Variants in GGTA1 observed in about 807,000 individuals in gnomAD.
GGTA1 encodes the protein inactive N-acetyllactosaminide alpha-1,3-galactosyltransferase.
In GGTA1, 5 loss-of-function variants were observed where a neutral mutation model predicts 2.6. That is an observed-to-expected ratio of 1.92 (90% CI 1.00 to 4.04). GGTA1 has a LOEUF of 4.04. Among genes scored for constraint, GGTA1 ranks in the 30% most tolerant of loss-of-function variants. GGTA1 has a pLI of 0.00. For synonymous variants in GGTA1, 17 were observed against 5.0 expected (o/e 3.38, Z -3.19); for missense variants, 50 against 16.7 (o/e 2.99, Z -3.47).
At chr9:121,497,897 T>C (rs758969498) in intron 1 of GGTA1, among the ~76,000 whole-genome samples, 4 of 151,934 alleles carry the variant, frequency 2.6e-5, no homozygotes, top group Non-Finnish European at 5.9e-5. Flanking sequence ...GCTGGGGAAA[T>C]GGCTGCTCAG....
intron 1 of GGTA1, among the ~76,000 whole-genome samples, chr9:121,482,946 A>G (rs1199011261): frequency 6.6e-6 from 1 of 152,126 alleles, no homozygotes; most frequent in Non-Finnish European, 1.5e-5. Context: ...GCGAGATTCT[A>G]TCTCAAAAAA....
chr9:121,452,561 C>T (rs2064883797), downstream of GGTA1, among the ~76,000 whole-genome samples: 1 of 152,026 alleles, frequency 6.6e-6, no homozygotes, highest in East Asian at 1.9e-4. Flanking sequence ...CTCTGTCACC[C>T]AGGCTGGAGT....
chr9:121,484,587 A>G (rs775389104), intron 1 of GGTA1, among the ~76,000 whole-genome samples: 42 of 152,274 alleles, frequency 2.8e-4, no homozygotes, highest in Non-Finnish European at 5.6e-4. Flanking sequence ...ACATTTTTCA[A>G]ATGTTCTACA....
intron 1 of GGTA1, among the ~76,000 whole-genome samples, chr9:121,492,815 C>A (rs1179576708): frequency 1.3e-5 from 2 of 151,992 alleles, no homozygotes; most frequent in East Asian, 3.9e-4. Flanking sequence ...AAGATGAGAG[C>A]ACTGAGACAG....
intron 7 of GGTA1, among the ~76,000 whole-genome samples, chr9:121,449,430 C>T (rs895455367): frequency 6.6e-6 from 1 of 152,188 alleles, no homozygotes; most frequent in Non-Finnish European, 1.5e-5. Context: ...AATAAGTGTT[C>T]CTGTTGCTCC....
At chr9:121,481,924 A>G (rs1480999214) in intron 1 of GGTA1, among the ~76,000 whole-genome samples, 3 of 151,146 alleles carry the variant, frequency 2.0e-5, no homozygotes, top group Admixed American at 2.0e-4. Context: ...TGAACCTGGG[A>G]GGCAGAGGTT....
rs1270099123 is a variant in GGTA1, at chr9:121,469,158, C to T, written c.-9-1227G>A. 3.3e-5 allele frequency among the ~76,000 whole-genome samples: 5 copies of T among 152,126 alleles called. No individual in the cohort carries two copies. The East Asian group carries it at 9.7e-4, about 29-fold the overall frequency. ...GGGTGCTGTGTGAAGAATAACAGGC[C>T]AGGAAGTACTTTAATGTGGGTGATC... On this transcript the variant is annotated intron_variant, in intron 1 of 5. Transcript: ENST00000481799.
At chr9:121,463,059 A>G in intron 3 of GGTA1, 1 of 258,970 alleles carries the variant, frequency 3.9e-6, no homozygotes, top group South Asian at 3.7e-5. Flanking sequence ...CCCAAATGAC[A>G]CTGCTTAAGA....
At position 121,496,683 on chromosome 9, in the gene GGTA1, G is replaced by A. The variant is rs1229352624; in HGVS notation, c.-10+2967C>T. ...GGAGGCAAAGGTTGCAGTGAGCCAA[G>A]ATCATGCCACTGCACTCCAGCCTGA... On this transcript the variant is annotated intron_variant, in intron 1 of 5. Transcript: ENST00000481799. Among the ~76,000 whole-genome samples, 6 of 119,456 alleles carry A rather than the reference G, an allele frequency of 5.0e-5. No homozygotes were observed. The Admixed American group carries it at 7.1e-4, about 14-fold the overall frequency. 78.4% of individuals were successfully genotyped at this position (119,456 alleles called of 152,430 possible).
chr9:121,486,294 C>T (rs1828752349), intron 1 of GGTA1, among the ~76,000 whole-genome samples: 2 of 152,228 alleles, frequency 1.3e-5, no homozygotes, highest in African/African-American at 4.8e-5. Context: ...GGGAGGAGGA[C>T]ACTGTTGCTA....
chr9:121,490,866 C>T (rs931341498), intron 1 of GGTA1, among the ~76,000 whole-genome samples: 1 of 152,208 alleles, frequency 6.6e-6, no homozygotes, highest in African/African-American at 2.4e-5. Flanking sequence ...GACCTCTGGC[C>T]TATATGCCTT....
At chr9:121,465,706 C>G (rs768871165) in intron 2 of GGTA1, among the ~76,000 whole-genome samples, 5 of 152,136 alleles carry the variant, frequency 3.3e-5, no homozygotes, top group Admixed American at 6.6e-5. Flanking sequence ...GCCTCTAGAA[C>G]TGAAAGAATT....
intron 2 of GGTA1, among the ~76,000 whole-genome samples, chr9:121,466,120 A>G (rs561954881): frequency 5.9e-5 from 9 of 152,124 alleles, no homozygotes; most frequent in Admixed American, 4.6e-4. Context: ...GGGTCTTGCG[A>G]TTTTGCCAGG....
At chr9:121,482,978 A>G (rs1440584187) in intron 1 of GGTA1, among the ~76,000 whole-genome samples, 1 of 152,160 alleles carries the variant, frequency 6.6e-6, no homozygotes, top group Non-Finnish European at 1.5e-5. Context: ...AATAATTTTA[A>G]AAGCCATTCA....
intron 1 of GGTA1, chr9:121,494,547 C>T (rs1038510087): frequency 1.3e-5 from 2 of 152,362 alleles, no homozygotes; most frequent in Non-Finnish European, 2.9e-5. Context: ...CACCTACCAT[C>T]CCAGCTACTC....
downstream of GGTA1, among the ~76,000 whole-genome samples, chr9:121,453,876 G>A (rs1290592902): frequency 6.6e-6 from 1 of 152,126 alleles, no homozygotes; most frequent in East Asian, 1.9e-4. Flanking sequence ...AGTGGAAAAG[G>A]GGCCTCAGTA....
chr9:121,455,154 AT>A lies in GGTA1; in HGVS notation c.*682del, dbSNP rs1275885097. The A allele has an allele frequency of 2.6e-5, 4 of 152,216 alleles. No individual in the cohort carries two copies. The highest frequency in any genetic ancestry group is 4.8e-5 in the African/African-American group (2 of 41,454). The allele number at this position is 152,216 out of a possible 1,614,324, so 9.4% of individuals were successfully genotyped here. On this transcript the variant is annotated 3_prime_UTR_variant, in exon 6 of 6. Coordinates refer to ENST00000481799, the MANE Select transcript of GGTA1 (RefSeq NM_001382585.1). ...TAGCTTACATGGTGCTTTTAGTTCT[AT>A]AAAACTCCCATCTTTGTTGAATGAC...
intron 2 of GGTA1, among the ~76,000 whole-genome samples, chr9:121,464,988 C>CAAAAAAGAA (rs2064992419): frequency 8.2e-6 from 1 of 121,854 alleles, no homozygotes; most frequent in African/African-American, 3.0e-5. Flanking sequence ...CGTAAAGTGG[C>CAAAAAAGAA]AAAAAAACAA....
At chr9:121,464,756 C>T (rs1303655560) in intron 2 of GGTA1, among the ~76,000 whole-genome samples, 3 of 152,224 alleles carry the variant, frequency 2.0e-5, no homozygotes, top group African/African-American at 7.2e-5. Context: ...ATTTTGAAGG[C>T]TTCCTCTAAT....
Sources: allele counts gnomAD v4.1 joint callset (sites outside exome capture counted in the v4.1 genomes callset), GRCh38; gene constraint gnomAD v4.1.1; transcripts MANE v1.5; gene names NCBI Gene and HGNC (gene_info 2026-07-23, HGNC 2026-07-21).